ZNF385D: variants seen among roughly 807,000 people sequenced by gnomAD.
ZNF385D encodes the protein zinc finger protein 385D, also known as zinc finger protein 659.
ZNF385D carries 15 observed loss-of-function variants against 35.8 expected under a neutral mutation model. The ratio of observed to expected loss-of-function variants is 0.42; its 90% CI spans 0.28 to 0.64. The LOEUF is 0.64. Among genes scored for constraint, ZNF385D ranks in the 30% least tolerant of loss-of-function variants. The pLI is 0.23. For synonymous variants in ZNF385D, 212 were observed against 186.8 expected, an observed-to-expected ratio of 1.13 and a Z score of -1.10; for missense variants, 474 against 494.6, an observed-to-expected ratio of 0.96 and a Z score of 0.39.
chr3:22,111,772 T>C (rs1702549677), intron 3 of ZNF385D, among the ~76,000 whole-genome samples: 2 of 152,256 alleles, frequency 1.3e-5, no homozygotes, highest in Admixed American at 1.3e-4. Flanking sequence ...TTCCAAATGC[T>C]TTTGCTTAGG....
In ZNF385D at chr3:21,929,976, G is replaced by A. The variant is rs145676528; in HGVS notation, c.325+238841C>T. Among the ~76,000 whole-genome samples, 388 of 152,030 alleles carry A rather than the reference G, an allele frequency of 2.6e-3. 2 individuals are homozygous for A. The highest frequency in any genetic ancestry group is 8.9e-3 in the African/African-American group (368 of 41,508). On this transcript the variant is annotated intron_variant, in intron 3 of 5. Coordinates refer to the ZNF385D transcript ENST00000494108. Reference sequence around the variant, plus strand: ...CTAAAATTCATATGGGAATACAAGGGACCCAGAATAGACAAAACAATATTG... The same window carrying A: ...CTAAAATTCATATGGGAATACAAGGAACCCAGAATAGACAAAACAATATTG...
chr3:21,701,585 A>C (rs1451360129), intron 1 of ZNF385D, among the ~76,000 whole-genome samples: 3 of 152,130 alleles, frequency 2.0e-5, no homozygotes, highest in Non-Finnish European at 4.4e-5. Context: ...CAGTCCCCCA[A>C]AGTCTTAACT....
rs547419435 is a variant in ZNF385D, at chr3:21,858,226, G to A, written c.326-193198C>T. Reference sequence around the variant, plus strand: ...TCTCAGAAACGTCAGAAAAAGTCAAGGTCACAAAATCAAAATAAAACTCAG... The same window carrying A: ...TCTCAGAAACGTCAGAAAAAGTCAAAGTCACAAAATCAAAATAAAACTCAG... On this transcript the variant is annotated intron_variant, in intron 3 of 5. Coordinates refer to the ZNF385D transcript ENST00000494108. Among the ~76,000 whole-genome samples the A allele has an allele frequency of 9.4e-4, 142 of 151,182 alleles. 1 individual carries two copies. The highest frequency in any genetic ancestry group is 3.2e-3 in the African/African-American group (131 of 41,210).
At position 21,929,605 on chromosome 3, in the gene ZNF385D, G is replaced by C. The variant is rs1228536033; in HGVS notation, c.325+239212C>G. Among the ~76,000 whole-genome samples the C allele has an allele frequency of 2.6e-5, 4 of 151,888 alleles. No homozygotes were observed. In the East Asian group the frequency reaches 7.7e-4, roughly 29 times the overall value. Reference sequence around the variant, plus strand: ...TAGAAATAATAAACAAGTTCAGCAAGGAAGCAAGATAAATGATCAACATAT... The same window carrying C: ...TAGAAATAATAAACAAGTTCAGCAACGAAGCAAGATAAATGATCAACATAT... On this transcript the variant is annotated intron_variant, in intron 3 of 5. Transcript: ENST00000494108.
At chr3:22,175,344 T>TA (rs2125769370) in intron 2 of ZNF385D, among the ~76,000 whole-genome samples, 1 of 152,166 alleles carries the variant, frequency 6.6e-6, no homozygotes, top group Non-Finnish European at 1.5e-5. Flanking sequence ...AAAAATACTG[T>TA]ACTCATGTCA....
intron 2 of ZNF385D, among the ~76,000 whole-genome samples, chr3:22,221,222 T>C (rs916805576): frequency 1.3e-5 from 2 of 152,138 alleles, no homozygotes; most frequent in African/African-American, 4.8e-5. Flanking sequence ...CATTTGTAAA[T>C]ATAAAATATG....
At chr3:21,895,251 G>A (rs898562611) in intron 3 of ZNF385D, among the ~76,000 whole-genome samples, 12 of 150,546 alleles carry the variant, frequency 8.0e-5, no homozygotes, top group African/African-American at 2.0e-4. Context: ...AGAACATGGC[G>A]GACATGAGAT....
At chr3:22,225,077 T>G (rs1329300412) in intron 2 of ZNF385D, among the ~76,000 whole-genome samples, 3 of 152,204 alleles carry the variant, frequency 2.0e-5, no homozygotes, top group Non-Finnish European at 4.4e-5. Context: ...CAGATAAAAT[T>G]ATGTTCAAAA....
At chr3:21,561,087 G>T (rs1036532939) in intron 3 of ZNF385D, among the ~76,000 whole-genome samples, 2 of 152,206 alleles carry the variant, frequency 1.3e-5, no homozygotes, top group Non-Finnish European at 2.9e-5. Flanking sequence ...TGGGCTCTGA[G>T]GGGGTGGGAC....
At position 21,595,641 on chromosome 3, in the gene ZNF385D, C is replaced by G. The variant is rs187699482; in HGVS notation, c.166-30957G>C. ...CTTAGTTTACTATTTTTTAATTTTT[C>G]TCTTCTATCCCAGGACTCCATGTTC... On this transcript the variant is annotated intron_variant, in intron 2 of 7. Transcript: ENST00000281523. Among the ~76,000 whole-genome samples the G allele has an allele frequency of 4.2e-3, 634 of 152,038 alleles. 20 individuals are homozygous for G. The highest frequency in any genetic ancestry group is 4.1e-4 in the Non-Finnish European group (28 of 67,946).
intron 2 of ZNF385D, among the ~76,000 whole-genome samples, chr3:22,327,042 C>A (rs1279465894): frequency 1.3e-5 from 2 of 152,084 alleles, no homozygotes; most frequent in Non-Finnish European, 2.9e-5. Flanking sequence ...GAAAGTGAAA[C>A]CCAAATGACT....
intron 3 of ZNF385D, among the ~76,000 whole-genome samples, chr3:22,068,003 C>A (rs949217274): frequency 1.7e-5 from 2 of 116,222 alleles, no homozygotes; most frequent in Non-Finnish European, 3.3e-5. Flanking sequence ...AAGAGCAAGA[C>A]TCCACTGGAA....
At chr3:21,695,585 A>G (rs960416256) in intron 1 of ZNF385D, among the ~76,000 whole-genome samples, 4 of 152,138 alleles carry the variant, frequency 2.6e-5, no homozygotes, top group Non-Finnish European at 5.9e-5. Context: ...AGATGCTTCA[A>G]TGGAAAGTAT....
intron 2 of ZNF385D, among the ~76,000 whole-genome samples, chr3:22,353,394 T>G (rs1004336162): frequency 3.9e-5 from 6 of 152,218 alleles, no homozygotes; most frequent in Non-Finnish European, 5.9e-5. Flanking sequence ...GAAAATTTCA[T>G]GCAAAATACA....
chr3:21,751,193 G>T lies in ZNF385D; in HGVS notation c.-277C>A. On this transcript the variant is annotated 5_prime_UTR_variant, in exon 1 of 8. Transcript: ENST00000281523. ...CTCCTCCTTGCGATGTCCTTGCCGC[G>T]CCTGTGACATCAGGACTGAGAGTAC... 1 of 1,368,258 alleles carries T rather than the reference G, an allele frequency of 7.3e-7. No homozygotes were observed. Among genetic ancestry groups the T allele is most frequent in the Non-Finnish European group, 9.4e-7 (1 of 1,058,308 alleles). The allele number at this position is 1,368,258 out of a possible 1,614,324, so 84.8% of individuals were successfully genotyped here.
chr3:22,152,697 A>G lies in ZNF385D; in HGVS notation c.325+16120T>C, dbSNP rs552656192. On this transcript the variant is annotated intron_variant, in intron 3 of 5. Coordinates refer to the ZNF385D transcript ENST00000494108. Reference sequence around the variant, plus strand: ...TTGTGATTCCATTTTTCCTACCCAGATAATGCAGGATAACCTCTTCATCTC... The same window carrying G: ...TTGTGATTCCATTTTTCCTACCCAGGTAATGCAGGATAACCTCTTCATCTC... Among the ~76,000 whole-genome samples the G allele has an allele frequency of 7.9e-5, 12 of 152,248 alleles. 1 individual carries two copies. The highest frequency in any genetic ancestry group is 2.9e-4 in the African/African-American group (12 of 41,568).
At chr3:21,686,876 C>G (rs2067121739) in intron 1 of ZNF385D, among the ~76,000 whole-genome samples, 1 of 152,330 alleles carries the variant, frequency 6.6e-6, no homozygotes, top group Non-Finnish European at 1.5e-5. Flanking sequence ...TTCTGGTCAT[C>G]CCCTGGGACA....
At position 21,683,702 on chromosome 3, in the gene ZNF385D, A is replaced by T. The variant is rs73138844; in HGVS notation, c.23-18674T>A. 2.2e-4 allele frequency among the ~76,000 whole-genome samples: 33 copies of T among 150,294 alleles called. 2 individuals are homozygous for T. Among genetic ancestry groups the T allele is most frequent in the African/African-American group, 7.6e-4 (31 of 40,844 alleles). ...AGAGCATTCTCCGGCTGGTTGCAGA[A>T]GCAACAGAAGGATTCAATGTGCCCT... On this transcript the variant is annotated intron_variant, in intron 1 of 7. Coordinates refer to ENST00000281523, the MANE Select transcript of ZNF385D (RefSeq NM_024697.3).
intron 1 of ZNF385D, among the ~76,000 whole-genome samples, chr3:21,681,950 CA>C (rs1291939344): frequency 1.3e-4 from 20 of 152,128 alleles, no homozygotes; most frequent in Non-Finnish European, 2.2e-4. Context: ...ACTGGTCAGC[CA>C]GTGAAAAATA....
Sources: allele counts gnomAD v4.1 joint callset (sites outside exome capture counted in the v4.1 genomes callset), GRCh38; gene constraint gnomAD v4.1.1; transcripts MANE v1.5; gene names NCBI Gene and HGNC (gene_info 2026-07-23, HGNC 2026-07-21).